TPST2: variants seen among roughly 807,000 people sequenced by gnomAD.
TPST2 encodes protein-tyrosine sulfotransferase 2.
TPST2 carries 16 observed loss-of-function variants against 27.8 expected under a neutral mutation model. That is an observed-to-expected ratio of 0.58 (90% CI 0.39 to 0.88). The LOEUF (loss-of-function observed/expected upper bound fraction) is 0.88. TPST2 is among the 40% of genes least tolerant of loss of function. The probability of loss-of-function intolerance (pLI) is 0.00; values close to 1 mark genes in which losing one functional copy is unlikely to be tolerated. For synonymous variants in TPST2, 229 were observed against 231.7 expected (o/e 0.99, Z 0.10); for missense variants, 464 against 543.1 (o/e 0.85, Z 1.45).
intron 1 of TPST2, among the ~76,000 whole-genome samples, chr22:26,556,568 A>C (rs1415902150): frequency 6.6e-6 from 1 of 152,192 alleles, no homozygotes; most frequent in African/African-American, 2.4e-5. Context: ...TCTACTGGTG[A>C]TGCGAGTGCT....
chr22:26,586,101 GCAC>G (rs1928338300), intron 1 of TPST2, among the ~76,000 whole-genome samples: 1 of 152,008 alleles, frequency 6.6e-6, no homozygotes, highest in African/African-American at 2.4e-5. Flanking sequence ...CGATCCCAAG[GCAC>G]CACCACATCT....
intron 1 of TPST2, among the ~76,000 whole-genome samples, chr22:26,583,436 CAA>C (rs775047318): frequency 2.7e-4 from 17 of 63,630 alleles, no homozygotes; most frequent in Admixed American, 4.1e-4. Flanking sequence ...AACTCCATCT[CAA>C]AAAAAAAAAA....
At chr22:26,542,306 G>A (rs1368756090) in intron 2 of TPST2, among the ~76,000 whole-genome samples, 2 of 150,004 alleles carry the variant, frequency 1.3e-5, no homozygotes, top group Non-Finnish European at 2.9e-5. Flanking sequence ...CTGCGGCCTC[G>A]GACTCCTGGG....
chr22:26,539,146 G>A (rs1420329048), intron 3 of TPST2, among the ~76,000 whole-genome samples: 1 of 152,212 alleles, frequency 6.6e-6, no homozygotes, highest in East Asian at 1.9e-4. Context: ...CCGGCATGTA[G>A]GAACTTTGTT....
chr22:26,580,683 G>A (rs1176735538), intron 1 of TPST2, among the ~76,000 whole-genome samples: 2 of 152,150 alleles, frequency 1.3e-5, no homozygotes, highest in Non-Finnish European at 2.9e-5. Context: ...ATCGAAGGAA[G>A]CAATGTTTTT....
intron 1 of TPST2, among the ~76,000 whole-genome samples, chr22:26,561,352 AT>A (rs1168686309): frequency 6.6e-6 from 1 of 152,166 alleles, no homozygotes; most frequent in Non-Finnish European, 1.5e-5. Context: ...TCCTGATGGT[AT>A]TTTCAATAGC....
intron 1 of TPST2, among the ~76,000 whole-genome samples, chr22:26,555,513 A>G (rs1926746467): frequency 6.6e-6 from 1 of 152,246 alleles, no homozygotes; most frequent in Non-Finnish European, 1.5e-5. Flanking sequence ...TGAAAACGGC[A>G]CCTACCTTGT....
intron 1 of TPST2, among the ~76,000 whole-genome samples, chr22:26,575,550 G>A (rs1443995621): frequency 1.3e-5 from 2 of 152,060 alleles, no homozygotes; most frequent in Non-Finnish European, 2.9e-5. Flanking sequence ...GCTCTCCCAG[G>A]GCAGGAACAG....
chr22:26,534,339 T>A (rs1925332958), intron 4 of TPST2, among the ~76,000 whole-genome samples: 1 of 152,198 alleles, frequency 6.6e-6, no homozygotes. Flanking sequence ...ACAGCCAAGC[T>A]ATGGCAAAAA....
chr22:26,587,513 G>GT (rs957100456), intron 1 of TPST2, among the ~76,000 whole-genome samples: 1 of 152,104 alleles, frequency 6.6e-6, no homozygotes, highest in Admixed American at 6.5e-5. Flanking sequence ...GCTAATTTTT[G>GT]TATTTTTAGT....
chr22:26,579,300 C>T (rs1413087851), intron 1 of TPST2, among the ~76,000 whole-genome samples: 1 of 152,234 alleles, frequency 6.6e-6, no homozygotes, highest in East Asian at 1.9e-4. Flanking sequence ...ATGCAGCTTC[C>T]AGCAGTGCTC....
intron 1 of TPST2, among the ~76,000 whole-genome samples, chr22:26,577,438 A>G (rs530337648): frequency 1.3e-5 from 2 of 151,672 alleles, no homozygotes; most frequent in Admixed American, 6.6e-5. Flanking sequence ...TCCACCTCCC[A>G]GGTTCAAGCG....
At chr22:26,557,479 A>G (rs1926861596) in intron 1 of TPST2, among the ~76,000 whole-genome samples, 1 of 152,210 alleles carries the variant, frequency 6.6e-6, no homozygotes, top group Admixed American at 6.5e-5. Context: ...GCAGCTCTTC[A>G]ATAACTGTGA....
At chr22:26,550,073 G>A (rs1350383496) in intron 1 of TPST2, among the ~76,000 whole-genome samples, 1 of 151,726 alleles carries the variant, frequency 6.6e-6, no homozygotes, top group East Asian at 1.9e-4. Context: ...ATGGGCAGCA[G>A]GAGACCATGG....
At chr22:26,589,704 C>G (rs1928479609) in intron 1 of TPST2, among the ~76,000 whole-genome samples, 2 of 152,166 alleles carry the variant, frequency 1.3e-5, no homozygotes, top group South Asian at 4.1e-4. Flanking sequence ...ACTCCGGAGG[C>G]GGGGACGCGC....
In TPST2 at chr22:26,541,123, A is replaced by G. The variant is rs1241956760; in HGVS notation, c.508T>C (p.Ser170Pro). ...AACTTGGAGTTGGGGAACAGGCGCG[A>G]CAGGTAGACCGAGGACTTGAGCGTA... ...PFTLKSSVYLSRLFPNSKFLL... is the reference protein window; with the variant it reads ...PFTLKSSVYLPRLFPNSKFLL... Residue 170 changes from serine (S) to proline (P), a missense_variant, in exon 3 of 7, where the codon TCG becomes CCG. Ser to Pro is a moderately conservative substitution (Grantham distance 74). Coordinates refer to ENST00000338754, the MANE Select transcript of TPST2 (RefSeq NM_003595.5). This position sits in a 1 kb window ranked among gnomAD's most constrained non-coding sequence, Gnocchi z 5.9. The G allele has an allele frequency of 1.9e-6, 3 of 1,607,936 alleles. No individual in the cohort carries two copies. The highest frequency in any genetic ancestry group is 2.6e-6 in the Non-Finnish European group (3 of 1,175,632).
At chr22:26,538,471 G>C (rs1925605375) in intron 3 of TPST2, among the ~76,000 whole-genome samples, 1 of 152,228 alleles carries the variant, frequency 6.6e-6, no homozygotes, top group East Asian at 1.9e-4. Flanking sequence ...TCCAACAATA[G>C]GGAATGTGAA....
chr22:26,537,974 T>C (rs773717695), intron 3 of TPST2, among the ~76,000 whole-genome samples: 3 of 152,194 alleles, frequency 2.0e-5, no homozygotes, highest in Non-Finnish European at 2.9e-5. Context: ...TTTCCAACTT[T>C]TCACAGCTAC....
intron 1 of TPST2, among the ~76,000 whole-genome samples, chr22:26,546,666 G>A (rs897227803): frequency 3.3e-5 from 5 of 152,216 alleles, no homozygotes; most frequent in African/African-American, 9.6e-5. Flanking sequence ...CTCACCTTAT[G>A]CAACATTAAA....
Sources: allele counts gnomAD v4.1 joint callset (sites outside exome capture counted in the v4.1 genomes callset), GRCh38; gene constraint gnomAD v4.1.1; non-coding constraint Gnocchi (gnomAD v3.1); transcripts MANE v1.5; gene names NCBI Gene and HGNC (gene_info 2026-07-23, HGNC 2026-07-21).